Variants in CCDC93 observed in about 807,000 individuals in gnomAD.
CCDC93 encodes coiled-coil domain-containing protein 93.
CCDC93 carries 61 observed loss-of-function variants against 108.2 expected under a neutral mutation model. The observed-to-expected ratio is 0.56, with a 90% CI of 0.46 to 0.70. The LOEUF (loss-of-function observed/expected upper bound fraction) is 0.70, where lower values mean the gene tolerates loss of function less well. Among genes scored for constraint, CCDC93 ranks in the 30% least tolerant of loss-of-function variants. The probability of loss-of-function intolerance (pLI) is 0.00; values close to 1 mark genes in which losing one functional copy is unlikely to be tolerated. For missense variants in CCDC93, 685 were observed against 764.2 expected, an observed-to-expected ratio of 0.90 and a Z score of 1.22; for synonymous variants, 276 against 260.4, an observed-to-expected ratio of 1.06 and a Z score of -0.58.
rs1678309954 is a variant in CCDC93, at chr2:117,931,055, A to G, written c.1824T>C (p.Thr608=). Reference sequence around the variant, plus strand: ...CTCTTACCTCCTTGAACTCTTTCACAGTCTTAAAGTATAGCCTCTGCTTTT... The same window carrying G: ...CTCTTACCTCCTTGAACTCTTTCACGGTCTTAAAGTATAGCCTCTGCTTTT... ...LLEKQRLYFK[T]VKEFKEEGRK... Residue 608 remains threonine, a synonymous_variant, in exon 23 of 24, where the codon ACT becomes ACC. Coordinates refer to ENST00000376300, the MANE Select transcript of CCDC93 (RefSeq NM_019044.5). 6.2e-7 allele frequency: 1 copy of G among 1,610,448 alleles called. No individual in the cohort carries two copies. The highest frequency in any genetic ancestry group is 8.5e-7 in the Non-Finnish European group (1 of 1,177,254).
intron 12 of CCDC93, among the ~76,000 whole-genome samples, chr2:117,955,145 C>T (rs1282827589): frequency 6.6e-6 from 1 of 152,106 alleles, no homozygotes; most frequent in Non-Finnish European, 1.5e-5. Context: ...CGAACTGAGT[C>T]AATTTTGCAA....
chr2:117,952,559 A>T, intron 12 of CCDC93, 124 bp from the exon 13 acceptor site: 3 of 721,476 alleles, frequency 4.2e-6, no homozygotes, highest in Non-Finnish European at 7.2e-6. Flanking sequence ...GAAAATTTTA[A>T]AAGGGTTGCC....
At chr2:118,013,261 A>AC (rs1677067647) in intron 1 of CCDC93, among the ~76,000 whole-genome samples, 1 of 152,216 alleles carries the variant, frequency 6.6e-6, no homozygotes. Context: ...TTGGAAAAGA[A>AC]CCCCGCCCTC....
intron 13 of CCDC93, among the ~76,000 whole-genome samples, chr2:117,952,085 A>C (rs943694809): frequency 1.3e-5 from 2 of 152,040 alleles, no homozygotes; most frequent in Non-Finnish European, 2.9e-5. Flanking sequence ...TGCCCCACCC[A>C]GCCTATCAGG....
rs763988055 is a variant in CCDC93, at chr2:118,000,900, G to T, written c.284C>A (p.Pro95Gln). The T allele has an allele frequency of 1.9e-6, 3 of 1,613,602 alleles. No homozygotes were observed. The highest frequency in any genetic ancestry group is 1.7e-4 in the Middle Eastern group (1 of 6,058). ...ALSEKIVSVL[P>Q]RMKCPHQLEP... Reference sequence around the variant, plus strand: ...CAGCTGGTGTGGGCATTTCATCCTTGGCAGGACCGAGACAATTTTTTCTGA... The same window carrying T: ...CAGCTGGTGTGGGCATTTCATCCTTTGCAGGACCGAGACAATTTTTTCTGA... The change falls in exon 4 of 24, where the codon CCA (proline) becomes CAA (glutamine). Residue 95 changes from proline to glutamine, a missense_variant. By Grantham distance (76) the Pro-to-Gln change is moderately conservative. Coordinates refer to ENST00000376300, the MANE Select transcript of CCDC93 (RefSeq NM_019044.5).
At chr2:118,006,180 T>C (rs1408133581) in intron 3 of CCDC93, among the ~76,000 whole-genome samples, 1 of 152,200 alleles carries the variant, frequency 6.6e-6, no homozygotes, top group Non-Finnish European at 1.5e-5. Context: ...CACACATATC[T>C]GAGGTCAGGA....
At chr2:117,923,351 A>G (rs1293809158) in intron 23 of CCDC93, among the ~76,000 whole-genome samples, 1 of 152,162 alleles carries the variant, frequency 6.6e-6, no homozygotes, top group Non-Finnish European at 1.5e-5. Context: ...GGGGTCAGGG[A>G]ATTCCCTTTC....
Position 117,920,048 on chromosome 2 carries a change from T to G in CCDC93, c.*295A>C, listed in dbSNP as rs1332303170. 3.7e-6 allele frequency: 1 copy of G among 273,468 alleles called. No individual in the cohort carries two copies. Among genetic ancestry groups the G allele is most frequent in the African/African-American group, 2.2e-5 (1 of 46,416 alleles). 16.9% of individuals were successfully genotyped at this position (273,468 alleles called of 1,614,324 possible). A position where few individuals can be genotyped will look rare whatever the true frequency, so the allele number is the denominator to read the frequency against. On this transcript the variant is annotated 3_prime_UTR_variant, in exon 24 of 24. Transcript: ENST00000376300. The stretch of plus-strand genomic sequence containing the variant: ...CAGAGTCCATACAAATACAGGTACC[T>G]TCATAAGCGCAATGTTACTGGAGAC...
intron 7 of CCDC93, among the ~76,000 whole-genome samples, chr2:117,978,325 T>C (rs531123892): frequency 6.6e-5 from 10 of 152,342 alleles, no homozygotes; most frequent in African/African-American, 2.2e-4. Flanking sequence ...AGCCACTGCA[T>C]TTCAGAGCCA....
chr2:117,978,584 T>G (rs924201435), intron 7 of CCDC93, among the ~76,000 whole-genome samples: 28 of 152,284 alleles, frequency 1.8e-4, no homozygotes, highest in African/African-American at 6.7e-4. Context: ...TATGTTTTTT[T>G]AAAAAGCAAG....
chr2:117,938,231 A>G (rs1377428030), intron 20 of CCDC93, among the ~76,000 whole-genome samples: 1 of 152,212 alleles, frequency 6.6e-6, no homozygotes, highest in African/African-American at 2.4e-5. Context: ...TAAAACCCAA[A>G]TAAACCCAAA....
intron 23 of CCDC93, among the ~76,000 whole-genome samples, chr2:117,929,260 T>TA (rs1195512611): frequency 3.3e-5 from 5 of 151,988 alleles, no homozygotes; most frequent in East Asian, 3.9e-4. Flanking sequence ...TAAAGTATAA[T>TA]AAAAAAAAGA....
At chr2:117,921,238 G>C (rs545428550) in intron 23 of CCDC93, among the ~76,000 whole-genome samples, 24 of 151,362 alleles carry the variant, frequency 1.6e-4, no homozygotes, top group Non-Finnish European at 3.4e-4. Context: ...TGAAATCAAT[G>C]GCACGTGCTA....
chr2:117,975,606 A>G (rs1399633771), intron 8 of CCDC93, among the ~76,000 whole-genome samples: 1 of 152,214 alleles, frequency 6.6e-6, no homozygotes, highest in Admixed American at 6.5e-5. Flanking sequence ...TCACTACTAA[A>G]GGAGTGTTTC....
chr2:117,984,640 C>T (rs1428774830), intron 7 of CCDC93, among the ~76,000 whole-genome samples: 5 of 152,108 alleles, frequency 3.3e-5, no homozygotes, highest in Admixed American at 1.3e-4. Flanking sequence ...TCCTATTTTC[C>T]ATGATGATGG....
intron 7 of CCDC93, among the ~76,000 whole-genome samples, chr2:117,981,020 A>T (rs560515246): frequency 7.0e-4 from 106 of 152,320 alleles, no homozygotes; most frequent in Middle Eastern, 6.8e-3. Context: ...TTGAAGCATG[A>T]ATCACTACTT....
At chr2:117,925,874 C>A (rs1364264871) in intron 23 of CCDC93, among the ~76,000 whole-genome samples, 3 of 152,140 alleles carry the variant, frequency 2.0e-5, no homozygotes, top group African/African-American at 2.4e-5. Flanking sequence ...GGAAGTAAAG[C>A]ACTCCTCAGC....
intron 13 of CCDC93, chr2:117,950,037 CAT>C (rs778320669): frequency 4.1e-6 from 4 of 985,428 alleles, no homozygotes; most frequent in Non-Finnish European, 4.8e-6. Context: ...CGGGGTCCCA[CAT>C]AGTTGGTGAT....
At chr2:117,971,297 A>C (rs149973086) in intron 11 of CCDC93, among the ~76,000 whole-genome samples, 156 of 152,356 alleles carry the variant, frequency 1.0e-3, no homozygotes, top group African/African-American at 3.6e-3. Flanking sequence ...TGGGAGACCA[A>C]GGCTAAAGTG....
Sources: allele counts gnomAD v4.1 joint callset (sites outside exome capture counted in the v4.1 genomes callset), GRCh38; gene constraint gnomAD v4.1.1; transcripts MANE v1.5; gene names NCBI Gene and HGNC (gene_info 2026-07-23, HGNC 2026-07-21).